Variants in GBX1 observed in about 807,000 individuals in gnomAD.
The protein encoded by GBX1 is gastrulation brain homeobox 1.
In GBX1, 9 loss-of-function variants were observed where a neutral mutation model predicts 22.9. The observed-to-expected ratio is 0.39, with a 90% CI of 0.24 to 0.69. GBX1 has a LOEUF of 0.69. GBX1 is among the 30% of genes least tolerant of loss of function. The pLI, the probability that GBX1 is intolerant of heterozygous loss-of-function variation, is 0.43. For synonymous variants in GBX1, 203 were observed against 227.3 expected, an observed-to-expected ratio of 0.89 and a Z score of 0.96; for missense variants, 494 against 509.2, an observed-to-expected ratio of 0.97 and a Z score of 0.29.
intron 1 of GBX1, among the ~76,000 whole-genome samples, chr7:151,151,061 AC>A (rs1801074159): frequency 6.6e-6 from 1 of 152,090 alleles, no homozygotes; most frequent in South Asian, 2.1e-4. Flanking sequence ...AGAACTCTCA[AC>A]CTTTTTCCAC....
chr7:151,152,095 T>A (rs1801086434), intron 1 of GBX1, among the ~76,000 whole-genome samples: 1 of 152,226 alleles, frequency 6.6e-6, no homozygotes, highest in South Asian at 2.1e-4. Flanking sequence ...TTCTGAATAT[T>A]TCTCATTCAC....
chr7:151,158,785 C>T (rs1010889637), intron 1 of GBX1, among the ~76,000 whole-genome samples: 1 of 152,130 alleles, frequency 6.6e-6, no homozygotes, highest in African/African-American at 2.4e-5. Flanking sequence ...AACTTAATTC[C>T]CAGGAAAGCG....
In GBX1 at chr7:151,148,214, C is replaced by T. The variant is rs372819175; in HGVS notation, c.*375G>A. Among the ~76,000 whole-genome samples the T allele has an allele frequency of 6.6e-6, 1 of 152,176 alleles. No individual in the cohort carries two copies. Among genetic ancestry groups the T allele is most frequent in the South Asian group, 2.1e-4 (1 of 4,828 alleles). ...AGCTGCGATCTACTTGGCTAGGTAT[C>T]GCCTGTTCCCTCCACCCATCAGAAG... On this transcript the variant is annotated 3_prime_UTR_variant, in exon 2 of 2. Transcript: ENST00000297537. The surrounding 1 kb of genome is among the most constrained non-coding windows in gnomAD (Gnocchi z 5.1).
At position 151,167,275 on chromosome 7, in the gene GBX1, C is replaced by T. The variant is rs1801268637; in HGVS notation, c.274G>A (p.Gly92Ser). The T allele has an allele frequency of 1.3e-6, 2 of 1,539,412 alleles. No homozygotes were observed. The highest frequency in any genetic ancestry group is 1.4e-5 in the African/African-American group (1 of 70,364). ...RLTNTFCAGL[G>S]QAVPSMVALT... is the part of the protein sequence containing the mutation. ...GCCACCATCGAGGGCACAGCCTGAC[C>T]CAGCCCCGCGCAGAAGGTGTTGGTA... is the stretch of plus-strand genomic sequence containing the variant. The change falls in exon 1 of 2, where the codon GGT (glycine) becomes AGT (serine). Residue 92 changes from glycine to serine, a missense_variant. Gly to Ser is a moderately conservative substitution (Grantham distance 56). Coordinates refer to ENST00000297537, the MANE Select transcript of GBX1 (RefSeq NM_001098834.3). The surrounding 1 kb of genome is among the most constrained non-coding windows in gnomAD (Gnocchi z 5.9).
At chr7:151,164,633 C>A in intron 1 of GBX1, among the ~76,000 whole-genome samples, 1 of 152,150 alleles carries the variant, frequency 6.6e-6, no homozygotes, top group East Asian at 1.9e-4. Flanking sequence ...ACTATAAACC[C>A]TTTACATGTA....
In GBX1 at chr7:151,167,223, G is replaced by A. The variant is rs1482454697; in HGVS notation, c.326C>T (p.Ala109Val). Residue 109 changes from alanine (A) to valine (V), a missense_variant, in exon 1 of 2, where the codon GCG becomes GTG. Physicochemically the swap from Ala to Val is moderately conservative, Grantham distance 64 (BLOSUM62 0). Around this residue, in one of 3 missense-constraint regions of GBX1, gnomAD observed 365 missense variants for 340.4 expected, o/e 1.07. Coordinates refer to ENST00000297537, the MANE Select transcript of GBX1 (RefSeq NM_001098834.3). The surrounding 1 kb of genome is among the most constrained non-coding windows in gnomAD (Gnocchi z 5.9). Reference sequence around the variant, plus strand: ...CCCGTAGAAAGCGTCGGGCGGCTCCGCGAAGCTGGGCAGCGCGGTGGTCAG... The same window carrying A: ...CCCGTAGAAAGCGTCGGGCGGCTCCACGAAGCTGGGCAGCGCGGTGGTCAG... ...VALTTALPSFAEPPDAFYGPQ... is the reference protein window; with the variant it reads ...VALTTALPSFVEPPDAFYGPQ... 3.9e-6 allele frequency: 6 copies of A among 1,555,934 alleles called. No homozygotes were observed. Among genetic ancestry groups the A allele is most frequent in the Non-Finnish European group, 5.2e-6 (6 of 1,152,968 alleles).
chr7:151,152,693 T>A (rs1801093610), intron 1 of GBX1, among the ~76,000 whole-genome samples: 1 of 152,184 alleles, frequency 6.6e-6, no homozygotes, highest in African/African-American at 2.4e-5. Context: ...GCTCCCAGGT[T>A]CCCGATCTGG....
intron 1 of GBX1, among the ~76,000 whole-genome samples, chr7:151,161,340 C>T (rs1235313994): frequency 1.3e-5 from 2 of 152,168 alleles, no homozygotes; most frequent in Non-Finnish European, 2.9e-5. Flanking sequence ...GACTCTTTCT[C>T]TCTGCCAACC....
intron 1 of GBX1, among the ~76,000 whole-genome samples, chr7:151,153,293 A>G (rs1801098793): frequency 6.6e-6 from 1 of 152,182 alleles, no homozygotes; most frequent in South Asian, 2.1e-4. Flanking sequence ...TGGCCCTGCC[A>G]TTTGCTCTCT....
At chr7:151,151,961 C>T (rs1801084428) in intron 1 of GBX1, among the ~76,000 whole-genome samples, 1 of 152,204 alleles carries the variant, frequency 6.6e-6, no homozygotes, top group South Asian at 2.1e-4. Flanking sequence ...AAAATTTAAA[C>T]CCTCTGATAC....
intron 1 of GBX1, chr7:151,150,054 G>A: frequency 2.5e-6 from 1 of 405,728 alleles, no homozygotes; most frequent in Non-Finnish European, 5.0e-6. Flanking sequence ...AGGAGGAAGA[G>A]GGAAAAGTGC....
Position 151,167,541 on chromosome 7 carries a change from C to T in GBX1, c.8G>A (p.Arg3Gln), listed in dbSNP as rs1340838026. 37 of 1,456,796 alleles carry T rather than the reference C, an allele frequency of 2.5e-5. No individual in the cohort carries two copies. Among genetic ancestry groups the T allele is most frequent in the Non-Finnish European group, 3.1e-5 (35 of 1,116,612 alleles). 90.2% of individuals were successfully genotyped at this position (1,456,796 alleles called of 1,614,324 possible). Reference sequence around the variant, plus strand: ...CCCAGGGGCGCTACCGCCTCCGGCCCGCTGCATCTTGTTCGGAGCTGCGGC... The same window carrying T: ...CCCAGGGGCGCTACCGCCTCCGGCCTGCTGCATCTTGTTCGGAGCTGCGGC... The part of the protein sequence containing the change: MQ[R>Q]AGGGSAPGGN... The change falls in exon 1 of 2, where the codon CGG becomes CAG. Residue 3 changes from arginine to glutamine, a missense_variant. Arg to Gln is a conservative substitution (Grantham distance 43). Coordinates refer to ENST00000297537, the MANE Select transcript of GBX1 (RefSeq NM_001098834.3). This position sits in a 1 kb window ranked among gnomAD's most constrained non-coding sequence, Gnocchi z 5.9.
chr7:151,149,083 C>T lies in GBX1; in HGVS notation c.598G>A (p.Ala200Thr), dbSNP rs1801048176. The T allele has an allele frequency of 2.5e-6, 4 of 1,612,866 alleles. No individual in the cohort carries two copies. The highest frequency in any genetic ancestry group is 3.4e-6 in the Non-Finnish European group (4 of 1,180,048). ...CCCTCTTCCTCCTGTTCGCTGCCTG[C>T]TGGGTCTCCTGCTGATGCCTCCAGC... is the stretch of plus-strand genomic sequence containing the variant. ...EKLEASAGDP[A>T]GSEQEEEGSG... Residue 200 changes from alanine to threonine, a missense_variant, in exon 2 of 2, where the codon GCA becomes ACA. This residue lies in a region of GBX1 where 365 missense variants were observed against 340.4 expected (regional missense o/e 1.07). Transcript: ENST00000297537.
intron 1 of GBX1, 23 bp from the exon 2 acceptor site, chr7:151,149,165 G>A (rs1226257099): frequency 1.6e-5 from 26 of 1,579,260 alleles, no homozygotes; most frequent in Non-Finnish European, 2.1e-5. Context: ...AGAAGCCAAT[G>A]GATGGGGAGG....
intron 1 of GBX1, among the ~76,000 whole-genome samples, chr7:151,160,394 C>T (rs1209298459): frequency 1.3e-5 from 2 of 152,202 alleles, no homozygotes; most frequent in East Asian, 3.9e-4. Flanking sequence ...TCTGTTTTCT[C>T]CATTACTTCT....
chr7:151,163,370 C>T (rs986895419), intron 1 of GBX1, among the ~76,000 whole-genome samples: 1 of 152,048 alleles, frequency 6.6e-6, no homozygotes, highest in East Asian at 1.9e-4. Context: ...ACTGAGGACC[C>T]ATTATCCAAT....
chr7:151,156,279 C>T (rs1264844189), intron 1 of GBX1, among the ~76,000 whole-genome samples: 2 of 145,684 alleles, frequency 1.4e-5, no homozygotes, highest in Admixed American at 7.1e-5. Context: ...CCCAACTACT[C>T]GGGAGGCTGA....
intron 1 of GBX1, among the ~76,000 whole-genome samples, chr7:151,156,858 G>A (rs764719458): frequency 5.9e-5 from 9 of 151,782 alleles, no homozygotes; most frequent in East Asian, 1.9e-4. Context: ...GGCGGTGCGC[G>A]CCTGTAATTC....
At position 151,167,449 on chromosome 7, in the gene GBX1, G is replaced by A. The variant is rs1801272711; in HGVS notation, c.100C>T (p.Pro34Ser). Residue 34 changes from proline (P) to serine (S), a missense_variant, in exon 1 of 2, where the codon CCG becomes TCG. Coordinates refer to ENST00000297537, the MANE Select transcript of GBX1 (RefSeq NM_001098834.3). The surrounding 1 kb of genome is among the most constrained non-coding windows in gnomAD (Gnocchi z 5.9). ...AFSIDSLIGP[P>S]PPRSGHLLYT... ...AGCAAGTGGCCGGAGCGCGGCGGCG[G>A]CGGCCCGATTAGGGAGTCGATGGAG... 2.0e-6 allele frequency: 3 copies of A among 1,516,894 alleles called. No homozygotes were observed. Among genetic ancestry groups the A allele is most frequent in the African/African-American group, 1.4e-5 (1 of 69,240 alleles). 94.0% of individuals were successfully genotyped at this position (1,516,894 alleles called of 1,614,324 possible).
Sources: gnomAD v4.1 joint callset for allele counts (sites outside exome capture counted in the v4.1 genomes callset) on GRCh38, gnomAD v4.1.1 for gene constraint, gnomAD v4.1.1 regional missense constraint, Gnocchi (gnomAD v3.1) non-coding constraint, MANE v1.5 for transcripts, NCBI Gene and HGNC (gene_info 2026-07-23, HGNC 2026-07-21) for gene names.